PTPN11: variants seen among roughly 807,000 people sequenced by gnomAD.
The protein encoded by PTPN11 is protein tyrosine phosphatase non-receptor type 11, also known as tyrosine-protein phosphatase non-receptor type 11.
PTPN11 carries 6 observed loss-of-function variants against 78.8 expected under a neutral mutation model. The observed-to-expected ratio is 0.08, with a 90% CI of 0.04 to 0.15. The LOEUF (loss-of-function observed/expected upper bound fraction) is 0.15, where lower values mean the gene tolerates loss of function less well. Among genes scored for constraint, PTPN11 ranks in the 10% least tolerant of loss-of-function variants. The pLI, the probability that PTPN11 is intolerant of heterozygous loss-of-function variation, is 1.00. For missense variants in PTPN11, 386 were observed against 744.8 expected (o/e 0.52, Z 5.61); for synonymous variants, 221 against 263.5 (o/e 0.84, Z 1.56).
chr12:112,471,715 G>C (rs1381897238), intron 6 of PTPN11, among the ~76,000 whole-genome samples: 1 of 148,110 alleles, frequency 6.8e-6, no homozygotes. Context: ...GCTACCCTGG[G>C]AGAAAAAAAA....
rs2037471376 is a variant in PTPN11, at chr12:112,419,032, C to T, written c.-80C>T. On this transcript the variant is annotated 5_prime_UTR_variant, in exon 1 of 16. Coordinates refer to ENST00000351677, the MANE Select transcript of PTPN11 (RefSeq NM_002834.5). ...CGTCCGGTCCCGAGCGGGCCTCCCT[C>T]GGGCCAGCCCGATGTGACCGAGCCC... 13 of 1,523,522 alleles carry T rather than the reference C, an allele frequency of 8.5e-6. No individual in the cohort carries two copies. The highest frequency in any genetic ancestry group is 9.7e-6 in the Non-Finnish European group (11 of 1,136,658). The allele number at this position is 1,523,522 out of a possible 1,614,324, so 94.4% of individuals were successfully genotyped here. A position where few individuals can be genotyped will look rare whatever the true frequency, so the allele number is the denominator to read the frequency against.
chr12:112,439,803 A>C (rs953978637), intron 1 of PTPN11, among the ~76,000 whole-genome samples: 6 of 140,580 alleles, frequency 4.3e-5, no homozygotes, highest in African/African-American at 1.7e-4. Flanking sequence ...AAACAAAAAC[A>C]AAAAAAAAAA....
At chr12:112,462,465 T>A (rs1031579539) in intron 6 of PTPN11, among the ~76,000 whole-genome samples, 1 of 152,198 alleles carries the variant, frequency 6.6e-6, no homozygotes, top group Non-Finnish European at 1.5e-5. Context: ...TTGTTTCATT[T>A]AAAAAATCTC....
intron 13 of PTPN11, among the ~76,000 whole-genome samples, chr12:112,492,587 G>C (rs2038759897): frequency 1.3e-5 from 2 of 151,252 alleles, no homozygotes; most frequent in Middle Eastern, 6.8e-3. Flanking sequence ...GTGCAATCTC[G>C]GGTCACTGCA....
chr12:112,460,700 G>C (rs1006572144), intron 6 of PTPN11, among the ~76,000 whole-genome samples: 3 of 152,076 alleles, frequency 2.0e-5, no homozygotes, highest in Non-Finnish European at 2.9e-5. Context: ...AAATTAGCTG[G>C]GCGTGGTAGT....
Position 112,490,478 on chromosome 12 carries a change from C to T in PTPN11, c.1599+1303C>T, listed in dbSNP as rs143549096. ...TGCGCCACCACACCTAGCTAATTTT[C>T]GCATTTTTTGTAGTGTCACAGTTTC... On this transcript the variant is annotated intron_variant, in intron 13 of 15. Coordinates refer to ENST00000351677, the MANE Select transcript of PTPN11 (RefSeq NM_002834.5). Among the ~76,000 whole-genome samples, 430 of 151,998 alleles carry T rather than the reference C, an allele frequency of 2.8e-3. 1 individual carries two copies. The highest frequency in any genetic ancestry group is 5.2e-3 in the Admixed American group (79 of 15,234).
In PTPN11 at chr12:112,438,142, C is replaced by T. The variant is rs571798001; in HGVS notation, c.15-8134C>T. ...CTGCCACTAGCTACCCTGTTCTCTA[C>T]ACCATGCTGTTTTTCTCAGAATGCT... On this transcript the variant is annotated intron_variant, in intron 1 of 15. Coordinates refer to ENST00000351677, the MANE Select transcript of PTPN11 (RefSeq NM_002834.5). 9.9e-5 allele frequency among the ~76,000 whole-genome samples: 15 copies of T among 152,266 alleles called. No individual in the cohort carries two copies. The South Asian group carries it at 2.7e-3, about 27-fold the overall frequency.
chr12:112,459,392 C>T (rs1566172024), intron 6 of PTPN11, among the ~76,000 whole-genome samples: 1 of 151,998 alleles, frequency 6.6e-6, no homozygotes. Context: ...TCGACTCTGC[C>T]CCACTCACTT....
intron 1 of PTPN11, among the ~76,000 whole-genome samples, chr12:112,420,778 C>T (rs1040537596): frequency 2.6e-5 from 4 of 152,174 alleles, no homozygotes; most frequent in Non-Finnish European, 5.9e-5. Context: ...TTGGACAGGT[C>T]GGTTGGCAAG....
intron 1 of PTPN11, among the ~76,000 whole-genome samples, chr12:112,436,406 A>G (rs553661347): frequency 6.6e-6 from 1 of 152,316 alleles, no homozygotes; most frequent in Admixed American, 6.5e-5. Flanking sequence ...TCCACATTTT[A>G]CAGATGTAAA....
At chr12:112,491,272 G>GAA (rs59219665) in intron 13 of PTPN11, among the ~76,000 whole-genome samples, 19 of 118,732 alleles carry the variant, frequency 1.6e-4, no homozygotes, top group East Asian at 1.0e-3. Context: ...CTACAGTAGT[G>GAA]AAAAAAAAAA....
At chr12:112,485,359 T>C (rs2038659099) in intron 10 of PTPN11, among the ~76,000 whole-genome samples, 1 of 152,144 alleles carries the variant, frequency 6.6e-6, no homozygotes, top group Non-Finnish European at 1.5e-5. Context: ...CCCAGAAACA[T>C]GATACTTTTT....
rs2038906520 is a variant in PTPN11 at position 112,504,027 on chromosome 12, C to A, written c.1713-668C>A. Among the ~76,000 whole-genome samples the A allele has an allele frequency of 6.6e-6, 1 of 152,144 alleles. No individual in the cohort carries two copies. The highest frequency in any genetic ancestry group is 1.5e-5 in the Non-Finnish European group (1 of 68,038). On this transcript the variant is annotated intron_variant, in intron 14 of 15. Transcript: ENST00000351677. The surrounding 1 kb of genome is among the most constrained non-coding windows in gnomAD (Gnocchi z 4.7). ...GCTCCTGTATTTTCCCTTCTTGGAG[C>A]TTTTGCCTGTTCAGATCCCTCTACT...
chr12:112,487,711 T>G (rs1353097352), intron 11 of PTPN11, among the ~76,000 whole-genome samples: 1 of 152,210 alleles, frequency 6.6e-6, no homozygotes, highest in Non-Finnish European at 1.5e-5. Context: ...TGAGCCAGCC[T>G]CTGAGCACAA....
At position 112,441,181 on chromosome 12, in the gene PTPN11, C is replaced by G. The variant is rs548745524; in HGVS notation, c.15-5095C>G. 2.0e-4 allele frequency among the ~76,000 whole-genome samples: 31 copies of G among 151,966 alleles called. 2 individuals are homozygous for G. In the South Asian group the frequency reaches 6.5e-3, roughly 32 times the overall value. ...GTTTCTCCATGTTGGTCAGGCTGGTCTTAAGCTCCCGACCTCAGGTGATCC... is the reference window on the plus strand; with the variant it reads ...GTTTCTCCATGTTGGTCAGGCTGGTGTTAAGCTCCCGACCTCAGGTGATCC... On this transcript the variant is annotated intron_variant, in intron 1 of 15. Coordinates refer to ENST00000351677, the MANE Select transcript of PTPN11 (RefSeq NM_002834.5).
chr12:112,426,980 C>T (rs1010875453), intron 1 of PTPN11, among the ~76,000 whole-genome samples: 3 of 152,090 alleles, frequency 2.0e-5, no homozygotes, highest in Admixed American at 6.6e-5. Flanking sequence ...CGTGGTGGCT[C>T]ACACCTATAA....
At chr12:112,441,560 G>A (rs1022027760) in intron 1 of PTPN11, among the ~76,000 whole-genome samples, 1 of 151,592 alleles carries the variant, frequency 6.6e-6, no homozygotes, top group African/African-American at 2.4e-5. Context: ...ACTGTGCCTG[G>A]TCTCCTTCAC....
chr12:112,487,116 TC>T lies in PTPN11; in HGVS notation c.1379+488del, dbSNP rs372845025. On this transcript the variant is annotated intron_variant, in intron 11 of 15. Coordinates refer to ENST00000351677, the MANE Select transcript of PTPN11 (RefSeq NM_002834.5). ...TTCATCTCTTTGATTGTGATTCTGT[TC>T]TCTCTCTCTCTCTCTCTTTTTTTTT... Among the ~76,000 whole-genome samples, 239 of 138,666 alleles carry T rather than the reference TC, an allele frequency of 1.7e-3. 5 individuals carry two copies. In the East Asian group the frequency reaches 0.046, roughly 27 times the overall value. 91.0% of individuals were successfully genotyped at this position (138,666 alleles called of 152,430 possible).
intron 14 of PTPN11, among the ~76,000 whole-genome samples, chr12:112,503,927 C>T (rs1645274015): frequency 6.6e-6 from 1 of 152,166 alleles, no homozygotes; most frequent in Admixed American, 6.5e-5. Flanking sequence ...GCCCTCTGTC[C>T]TAGGCCCTAA....
Sources: allele counts gnomAD v4.1 joint callset (sites outside exome capture counted in the v4.1 genomes callset), GRCh38; gene constraint gnomAD v4.1.1; non-coding constraint Gnocchi (gnomAD v3.1); transcripts MANE v1.5; gene names NCBI Gene and HGNC (gene_info 2026-07-23, HGNC 2026-07-21).